The following COL5A1 variants were observed in gnomAD, a reference collection of about 807,000 sequenced individuals.
COL5A1 encodes the protein collagen alpha-1(V) chain.
Under a neutral mutation model 263.7 loss-of-function variants are expected in COL5A1, and 16 were observed. The observed-to-expected ratio is 0.06, with a 90% confidence interval of 0.04 to 0.09. The LOEUF is 0.09. COL5A1 is among the 10% of genes least tolerant of loss of function. The probability of loss-of-function intolerance (pLI) is 1.00; values close to 1 mark genes in which losing one functional copy is unlikely to be tolerated. For synonymous variants in COL5A1, 1,012 were observed against 1,004.5 expected (o/e 1.01, Z -0.14); for missense variants, 2,036 against 2,540.5 (o/e 0.80, Z 4.27).
At position 134,680,161 on chromosome 9, in the gene COL5A1, T is replaced by C. The variant is rs1186404440; in HGVS notation, c.110-10751T>C. ...CCCTTCATTCTTCAGCAAGGAATGA[T>C]GAGCTGGGAGCCATGAACAAGCGCA... On this transcript the variant is annotated intron_variant, in intron 1 of 65. Coordinates refer to ENST00000371817, the MANE Select transcript of COL5A1 (RefSeq NM_000093.5). This position sits in a 1 kb window ranked among gnomAD's most constrained non-coding sequence, Gnocchi z 5.9. Among the ~76,000 whole-genome samples the C allele has an allele frequency of 6.6e-6, 1 of 152,168 alleles. No homozygotes were observed. The highest frequency in any genetic ancestry group is 1.5e-5 in the Non-Finnish European group (1 of 68,028).
chr9:134,701,193 G>C lies in COL5A1; in HGVS notation c.514G>C (p.Val172Leu), dbSNP rs150147262. 1.9e-6 allele frequency: 3 copies of C among 1,613,942 alleles called. No individual in the cohort carries two copies. The highest frequency in any genetic ancestry group is 2.2e-5 in the South Asian group (2 of 91,064). The stretch of plus-strand genomic sequence containing the variant: ...CAGGTGGCACAGAATTGCTCTCAGC[G>C]TCCACAAGAAAAATGTCACCTTGAT... ...DGKWHRIALS[V>L]HKKNVTLILD... The change falls in exon 4 of 66, where the codon GTC (valine) becomes CTC (leucine). Residue 172 changes from valine to leucine, a missense_variant. Coordinates refer to ENST00000371817, the MANE Select transcript of COL5A1 (RefSeq NM_000093.5).
At chr9:134,643,150 G>C (rs1214612340) in intron 1 of COL5A1, among the ~76,000 whole-genome samples, 1 of 152,186 alleles carries the variant, frequency 6.6e-6, no homozygotes, top group Non-Finnish European at 1.5e-5. Flanking sequence ...CTGGGTTCTC[G>C]AGGGTTCAAC....
Position 134,731,615 on chromosome 9 carries a change from G to C in COL5A1, c.1284G>C (p.Ser428=). Residue 428 remains serine, a synonymous_variant, in exon 8 of 66, where the codon TCG becomes TCC. Transcript: ENST00000371817. The stretch of plus-strand genomic sequence containing the variant: ...ACTACGACCCCACCAGCTCCCCGTC[G>C]GAGATCGGGCCGGGAATGCCGGCGA... The part of the protein sequence containing the change: ...DPYYDPTSSP[S]EIGPGMPANQ... 6.2e-7 allele frequency: 1 copy of C among 1,614,162 alleles called. No individual in the cohort carries two copies. Among genetic ancestry groups the C allele is most frequent in the Non-Finnish European group, 8.5e-7 (1 of 1,180,026 alleles).
At position 134,786,026 on chromosome 9, in the gene COL5A1, A is replaced by T. The variant is rs765490478; in HGVS notation, c.2624A>T (p.Tyr875Phe). 1.2e-6 allele frequency: 2 copies of T among 1,613,322 alleles called. No homozygotes were observed. Among genetic ancestry groups the T allele is most frequent in the Non-Finnish European group, 1.7e-6 (2 of 1,179,764 alleles). Residue 875 changes from tyrosine to phenylalanine, a missense_variant, in exon 31 of 66, where the codon TAT becomes TTT. Coordinates refer to ENST00000371817, the MANE Select transcript of COL5A1 (RefSeq NM_000093.5). ...GKLGVPGLPG[Y>F]PGRQGPKGSI... ...CTCGGAGTCCCAGGGTTACCAGGGTATCCAGGAAGACAAGGACCAAAGGTA... is the reference window on the plus strand; with the variant it reads ...CTCGGAGTCCCAGGGTTACCAGGGTTTCCAGGAAGACAAGGACCAAAGGTA...
intron 1 of COL5A1, among the ~76,000 whole-genome samples, chr9:134,687,441 A>G (rs1564387972): frequency 6.6e-6 from 1 of 151,468 alleles, no homozygotes. Context: ...CCATCCATCC[A>G]TCCATCCATC....
intron 39 of COL5A1, among the ~76,000 whole-genome samples, chr9:134,803,505 C>T (rs139189609): frequency 1.2e-3 from 189 of 151,980 alleles, no homozygotes; most frequent in East Asian, 5.2e-3. Flanking sequence ...TGTGGTGGTG[C>T]GCACCTGTAA....
intron 22 of COL5A1, 62 bp downstream of exon 22, chr9:134,766,560 C>G: frequency 6.5e-7 from 1 of 1,540,652 alleles, no homozygotes; most frequent in Non-Finnish European, 8.9e-7. Flanking sequence ...CACTCCTTGC[C>G]TGGCTAGGGA....
rs993688157 is a variant in COL5A1 at position 134,757,770 on chromosome 9, C to A, written c.1882-473C>A. ...TGCAGAAGAGGGGCCGGCCAGAGAG[C>A]CAGGATGCCTGAGGGTAGCCAGTGC... On this transcript the variant is annotated intron_variant, in intron 17 of 65. Transcript: ENST00000371817. This position sits in a 1 kb window ranked among gnomAD's most constrained non-coding sequence, Gnocchi z 6.2. Among the ~76,000 whole-genome samples the A allele has an allele frequency of 5.9e-5, 9 of 152,196 alleles. No homozygotes were observed. The highest frequency in any genetic ancestry group is 1.3e-4 in the Admixed American group (2 of 15,282).
intron 4 of COL5A1, chr9:134,708,669 T>C (rs1833930321): frequency 1.9e-6 from 1 of 518,544 alleles, no homozygotes; most frequent in Non-Finnish European, 3.9e-6. Flanking sequence ...TGTCTTCAGC[T>C]CTGCCTGCTT....
Position 134,727,373 on chromosome 9 carries a change from G to T in COL5A1, c.762G>T (p.Ser254=), listed in dbSNP as rs767928508. Reference sequence around the variant, plus strand: ...CCGCAGTACCTGACACCCCACAGTCGCAGGACCCCAATCCAGATGAATATG... The same window carrying T: ...CCGCAGTACCTGACACCCCACAGTCTCAGGACCCCAATCCAGATGAATATG... The part of the protein sequence containing the change: ...CDTAVPDTPQ[S]QDPNPDEYYT... The change falls in exon 5 of 66, where the codon TCG becomes TCT. Residue 254 remains serine (S), a synonymous_variant. Coordinates refer to ENST00000371817, the MANE Select transcript of COL5A1 (RefSeq NM_000093.5). The T allele has an allele frequency of 7.4e-6, 12 of 1,613,930 alleles. No homozygotes were observed. The highest frequency in any genetic ancestry group is 2.2e-5 in the East Asian group (1 of 44,890).
In COL5A1 at chr9:134,750,802, G is replaced by A; in HGVS notation, c.1582G>A (p.Gly528Ser). 1 of 1,613,374 alleles carries A rather than the reference G, an allele frequency of 6.2e-7. No homozygotes were observed. The highest frequency in any genetic ancestry group is 1.1e-5 in the South Asian group (1 of 91,084). ...CTTACACTTGCAGTTCCGGTTTGGA[G>A]GTGGCGGCGATGCGGGCTCCAAAGG... ...TMLMLPFRFG[G>S]GGDAGSKGPM... The change falls in exon 13 of 66, where the codon GGT becomes AGT. Residue 528 changes from glycine (G) to serine (S), a missense_variant. Coordinates refer to ENST00000371817, the MANE Select transcript of COL5A1 (RefSeq NM_000093.5).
At chr9:134,750,682 CTG>C in intron 12 of COL5A1, 66 bp downstream of exon 12, 10 of 1,598,964 alleles carry the variant, frequency 6.3e-6, no homozygotes, top group Non-Finnish European at 7.7e-6. Flanking sequence ...ACCAGACCCT[CTG>C]AGGCTGCGCT....
Position 134,727,351 on chromosome 9 carries a change from C to G in COL5A1, c.740C>G (p.Ala247Gly). The change falls in exon 5 of 66, where the codon GCA becomes GGA. Residue 247 changes from alanine (A) to glycine (G), a missense_variant. By Grantham distance (60) the Ala-to-Gly change is moderately conservative. Coordinates refer to ENST00000371817, the MANE Select transcript of COL5A1 (RefSeq NM_000093.5). ...CACTACAGCCCTGACTGTGACACCGCAGTACCTGACACCCCACAGTCGCAG... is the reference window on the plus strand; with the variant it reads ...CACTACAGCCCTGACTGTGACACCGGAGTACCTGACACCCCACAGTCGCAG... ...CEHYSPDCDT[A>G]VPDTPQSQDP... 6.2e-7 allele frequency: 1 copy of G among 1,614,032 alleles called. No homozygotes were observed. The highest frequency in any genetic ancestry group is 8.5e-7 in the Non-Finnish European group (1 of 1,179,910).
chr9:134,777,520 T>G (rs1837097469), intron 27 of COL5A1, among the ~76,000 whole-genome samples: 1 of 152,196 alleles, frequency 6.6e-6, no homozygotes, highest in African/African-American at 2.4e-5. Flanking sequence ...GTTGGTCCCA[T>G]TCCTCCTACG....
chr9:134,829,901 C>T (rs2132907073), intron 63 of COL5A1, 75 bp from the exon 64 acceptor site: 3 of 1,498,192 alleles, frequency 2.0e-6, no homozygotes, highest in Non-Finnish European at 2.7e-6. Flanking sequence ...AAGCCTGGGG[C>T]CTTGCTCTGG....
chr9:134,746,891 C>A (rs1191276212), intron 11 of COL5A1, among the ~76,000 whole-genome samples: 1 of 152,258 alleles, frequency 6.6e-6, no homozygotes, highest in Admixed American at 6.5e-5. Flanking sequence ...GTGTCTGACA[C>A]CTGCCTTGTC....
At chr9:134,723,899 G>T (rs915130362) in intron 4 of COL5A1, among the ~76,000 whole-genome samples, 1 of 152,166 alleles carries the variant, frequency 6.6e-6, no homozygotes, top group South Asian at 2.1e-4. Context: ...TGAGCTCCTC[G>T]CTCATCATTT....
At chr9:134,692,582 A>T (rs1441037300) in intron 2 of COL5A1, among the ~76,000 whole-genome samples, 3 of 152,132 alleles carry the variant, frequency 2.0e-5, no homozygotes, top group African/African-American at 7.2e-5. Flanking sequence ...GGTGTGTGAC[A>T]CGCTGAGGGG....
intron 65 of COL5A1, among the ~76,000 whole-genome samples, chr9:134,839,068 G>A (rs1160169531): frequency 1.3e-5 from 2 of 152,262 alleles, no homozygotes; most frequent in African/African-American, 4.8e-5. Context: ...CAAAAGCCCT[G>A]CCTCAGCCCC....
Sources: allele counts gnomAD v4.1 joint callset (sites outside exome capture counted in the v4.1 genomes callset), GRCh38; gene constraint gnomAD v4.1.1; non-coding constraint Gnocchi (gnomAD v3.1); transcripts MANE v1.5; gene names NCBI Gene and HGNC (gene_info 2026-07-23, HGNC 2026-07-21).